Variants in MMP15 observed in about 807,000 individuals in gnomAD.
The protein encoded by MMP15 is matrix metallopeptidase 15.
Under a neutral mutation model 65.0 loss-of-function variants are expected in MMP15, and 36 were observed. The ratio of observed to expected loss-of-function variants is 0.55; its 90% CI spans 0.42 to 0.73. MMP15 has a LOEUF of 0.73. Among genes scored for constraint, MMP15 ranks in the 30% least tolerant of loss-of-function variants. The pLI, the probability that MMP15 is intolerant of heterozygous loss-of-function variation, is 0.00. For missense variants in MMP15, 870 were observed against 987.8 expected (o/e 0.88, Z 1.60); for synonymous variants, 428 against 410.2 (o/e 1.04, Z -0.52).
intron 3 of MMP15, 143 bp from the exon 4 acceptor site, chr16:58,039,732 A>G (rs1567430675): frequency 1.3e-6 from 1 of 761,974 alleles, no homozygotes; most frequent in Admixed American, 3.2e-5. Flanking sequence ...GACAAATTCA[A>G]ATTATGATTT....
chr16:58,031,106 C>T (rs184177802), intron 1 of MMP15, among the ~76,000 whole-genome samples: 3 of 151,808 alleles, frequency 2.0e-5, no homozygotes, highest in Non-Finnish European at 4.4e-5. Context: ...GCTGTCATTA[C>T]TCAATCTACA....
Position 58,045,334 on chromosome 16 carries a change from T to TGGG in MMP15, c.1899_1900insGGG (p.Leu633_Leu634insGly), listed in dbSNP as rs1959541592. ...AACGTGGTGATGGTGCTGGTGCCAC[T>TGGG]GCTGCTGCTGCTCTGCGTCCTGGGC... On this transcript the variant is annotated inframe_insertion, in exon 10 of 10. Coordinates refer to ENST00000219271, the MANE Select transcript of MMP15 (RefSeq NM_002428.4). 6.2e-7 allele frequency: 1 copy of TGGG among 1,605,258 alleles called. No individual in the cohort carries two copies. Among genetic ancestry groups the TGGG allele is most frequent in the South Asian group, 1.1e-5 (1 of 89,322 alleles).
In MMP15 at chr16:58,045,203, C is replaced by T. The variant is rs768056499; in HGVS notation, c.1767C>T (p.Ser589=). The T allele has an allele frequency of 7.5e-6, 12 of 1,593,810 alleles. No individual in the cohort carries two copies. The highest frequency in any genetic ancestry group is 3.6e-5 in the Admixed American group (2 of 55,634). ...PHGGAEPGAD[S]AEGDVGDGDG... is the part of the protein sequence containing the mutation. ...GGGGTGCAGAGCCCGGGGCGGACAG[C>T]GCAGAGGGCGACGTGGGGGATGGGG... The change falls in exon 10 of 10, where the codon AGC becomes AGT. Residue 589 remains serine, a synonymous_variant. Transcript: ENST00000219271.
chr16:58,041,025 G>A (rs534754534), intron 5 of MMP15, among the ~76,000 whole-genome samples: 7 of 152,228 alleles, frequency 4.6e-5, no homozygotes, highest in East Asian at 1.9e-4. Context: ...CCCAGGACCC[G>A]CCCCCTTCCA....
At chr16:58,038,967 C>T (rs759003046) in intron 3 of MMP15, among the ~76,000 whole-genome samples, 1 of 152,204 alleles carries the variant, frequency 6.6e-6, no homozygotes. Context: ...CTAAAATATT[C>T]CCTTCAGGTT....
chr16:58,039,826 G>A (rs1232418538), intron 3 of MMP15, 49 bp from the exon 4 acceptor site: 2 of 1,543,300 alleles, frequency 1.3e-6, no homozygotes, highest in East Asian at 2.3e-5. Context: ...GCAGAGGATA[G>A]TAGGCCCTTG....
chr16:58,040,203 T>C, intron 4 of MMP15, 21 bp downstream of exon 4: 2 of 1,590,918 alleles, frequency 1.3e-6, no homozygotes, highest in Non-Finnish European at 1.7e-6. Context: ...CTGGCCAGGG[T>C]GAGGGGCAGG....
chr16:58,033,598 G>T (rs979716136), intron 1 of MMP15, among the ~76,000 whole-genome samples: 1 of 152,140 alleles, frequency 6.6e-6, no homozygotes, highest in African/African-American at 2.4e-5. Context: ...AATGGGATGG[G>T]GTCTGGAAGT....
chr16:58,040,643 C>T lies in MMP15; in HGVS notation c.855C>T (p.Asp285=), dbSNP rs558930849. The T allele has an allele frequency of 1.2e-5, 19 of 1,614,222 alleles. No individual in the cohort carries two copies. The highest frequency in any genetic ancestry group is 1.7e-4 in the Middle Eastern group (1 of 6,060). The change falls in exon 5 of 10, where the codon GAC becomes GAT. Residue 285 remains aspartate (D), a synonymous_variant. Coordinates refer to ENST00000219271, the MANE Select transcript of MMP15 (RefSeq NM_002428.4). ...TGGCGCCGTTCTACCAGTGGAAGGA[C>T]GTTGACAACTTCAAGCTGCCCGAGG... ...AIMAPFYQWK[D]VDNFKLPEDD... is the part of the protein sequence containing the mutation.
intron 6 of MMP15, 59 bp downstream of exon 6, chr16:58,041,929 CT>C: frequency 2.6e-6 from 4 of 1,510,640 alleles, no homozygotes; most frequent in East Asian, 4.6e-5. Context: ...TCTGGGCCCC[CT>C]GTCCCACCCT....
intron 1 of MMP15, among the ~76,000 whole-genome samples, chr16:58,036,089 G>T (rs953826660): frequency 6.6e-6 from 1 of 152,226 alleles, no homozygotes; most frequent in Admixed American, 6.5e-5. Context: ...CCCTCGGGGT[G>T]CAGCCCTCAC....
chr16:58,042,509 T>G, intron 7 of MMP15, 140 bp downstream of exon 7: 1 of 1,256,138 alleles, frequency 8.0e-7, no homozygotes, highest in Non-Finnish European at 1.1e-6. Flanking sequence ...TCTGGGAGGA[T>G]GAGGACACAG....
rs1339047473 is a variant in MMP15 at position 58,026,247 on chromosome 16, C to T, written c.-104C>T. The T allele has an allele frequency of 9.2e-6, 11 of 1,198,586 alleles. No homozygotes were observed. Among genetic ancestry groups the T allele is most frequent in the Non-Finnish European group, 1.0e-5 (10 of 956,498 alleles). The allele number at this position is 1,198,586 out of a possible 1,614,324, so 74.2% of individuals were successfully genotyped here. ...CGGCGGGGACCGGGAGCCCGAGGTC[C>T]GCGGCGCGCCTGCCGGGCCAGGAGC... On this transcript the variant is annotated 5_prime_UTR_variant, in exon 1 of 10. Coordinates refer to ENST00000219271, the MANE Select transcript of MMP15 (RefSeq NM_002428.4).
At chr16:58,041,055 C>T (rs1959441289) in intron 5 of MMP15, among the ~76,000 whole-genome samples, 1 of 152,202 alleles carries the variant, frequency 6.6e-6, no homozygotes, top group Non-Finnish European at 1.5e-5. Context: ...CCAGCCTGAG[C>T]CTGTCACAGC....
rs1959412834 is a variant in MMP15 at position 58,039,896 on chromosome 16, G to A, written c.462G>A (p.Lys154=). ...LTFSIQNYTE[K]LGWYHSMEAV... is the part of the protein sequence containing the mutation. ...CCAGCATCCAGAACTACACGGAGAA[G>A]TTGGGCTGGTACCACTCGATGGAGG... The change falls in exon 4 of 10, where the codon AAG becomes AAA. Residue 154 remains lysine, a synonymous_variant. Transcript: ENST00000219271. The A allele has an allele frequency of 3.1e-6, 5 of 1,604,888 alleles. No individual in the cohort carries two copies. The highest frequency in any genetic ancestry group is 4.3e-6 in the Non-Finnish European group (5 of 1,172,950).
rs963423096 is a variant in MMP15 at position 58,046,261 on chromosome 16, C to T, written c.*815C>T. 1 of 152,886 alleles carries T rather than the reference C, an allele frequency of 6.5e-6. No homozygotes were observed. Among genetic ancestry groups the T allele is most frequent in the Non-Finnish European group, 1.5e-5 (1 of 68,336 alleles). 9.5% of individuals were successfully genotyped at this position (152,886 alleles called of 1,614,324 possible). Reference sequence around the variant, plus strand: ...GTTCCTTCCCTGTGCCTCCTCCCTCCCTCTCCGACTCACACCACTAGCCTC... The same window carrying T: ...GTTCCTTCCCTGTGCCTCCTCCCTCTCTCTCCGACTCACACCACTAGCCTC... On this transcript the variant is annotated 3_prime_UTR_variant, in exon 10 of 10. Coordinates refer to ENST00000219271, the MANE Select transcript of MMP15 (RefSeq NM_002428.4).
intron 1 of MMP15, among the ~76,000 whole-genome samples, chr16:58,029,782 G>A (rs1237450721): frequency 6.6e-6 from 1 of 152,084 alleles, no homozygotes; most frequent in Non-Finnish European, 1.5e-5. Flanking sequence ...TGAATGTGGA[G>A]AGGAGCAACA....
intron 3 of MMP15, 84 bp downstream of exon 3, chr16:58,038,478 C>T: frequency 6.4e-7 from 1 of 1,569,216 alleles, no homozygotes; most frequent in Non-Finnish European, 8.7e-7. Context: ...CACCTCGGCG[C>T]CCAGCCTTAA....
In MMP15 at chr16:58,037,626, T is replaced by C. The variant is rs537941392; in HGVS notation, c.311+6T>C. 4.3e-6 allele frequency: 7 copies of C among 1,613,598 alleles called. No homozygotes were observed. Among genetic ancestry groups the C allele is most frequent in the Middle Eastern group, 1.6e-4 (1 of 6,078 alleles). ...CTCGACGAAGAGACCAAGGAGTGAG[T>C]TCCCCCCACCATCCACACCCCACAG... On this transcript the variant is annotated splice_donor_region_variant and intron_variant, in intron 2 of 9. Transcript: ENST00000219271.
Sources: gnomAD v4.1 joint callset for allele counts (sites outside exome capture counted in the v4.1 genomes callset) on GRCh38, gnomAD v4.1.1 for gene constraint, MANE v1.5 for transcripts, NCBI Gene and HGNC (gene_info 2026-07-23, HGNC 2026-07-21) for gene names.